ELP6: variants seen among roughly 807,000 people sequenced by gnomAD.
The protein encoded by ELP6 is elongator acetyltransferase complex subunit 6, also known as elongator complex protein 6.
In ELP6, 23 loss-of-function variants were observed where a neutral mutation model predicts 28.1. The observed-to-expected ratio is 0.82, with a 90% CI of 0.59 to 1.16. The LOEUF (loss-of-function observed/expected upper bound fraction) is 1.16, where lower values mean the gene tolerates loss of function less well. Among genes scored for constraint, ELP6 ranks in the 50% most tolerant of loss-of-function variants. The pLI, the probability that ELP6 is intolerant of heterozygous loss-of-function variation, is 0.00. For missense variants in ELP6, 313 were observed against 334.6 expected (o/e 0.94, Z 0.50); for synonymous variants, 132 against 135.8 (o/e 0.97, Z 0.19).
intron 6 of ELP6, chr3:47,497,929 T>C: frequency 1.4e-6 from 1 of 715,666 alleles, no homozygotes; most frequent in Non-Finnish European, 1.7e-6. Context: ...AGACTCCGTC[T>C]AAAAAAAAAA....
At chr3:47,498,506 G>A (rs778228019) in intron 5 of ELP6, 74 bp from the exon 6 acceptor site, 66 of 1,572,854 alleles carry the variant, frequency 4.2e-5, no homozygotes, top group African/African-American at 1.2e-4. Flanking sequence ...CCAGCCTCTC[G>A]TTGCCTCCAC....
rs1444960461 is a variant in ELP6 at position 47,501,823 on chromosome 3, A to G, written c.352T>C (p.Leu118=). 2 of 1,613,818 alleles carry G rather than the reference A, an allele frequency of 1.2e-6. No individual in the cohort carries two copies. The highest frequency in any genetic ancestry group is 1.3e-5 in the African/African-American group (1 of 74,836). The change falls in exon 5 of 7, where the codon TTG becomes CTG. Residue 118 remains leucine, a synonymous_variant. Transcript: ENST00000296149. ...REANAGNLKP[L]FEFVREALKP... ...AGGGCCTCCCGTACAAACTCAAACA[A>G]TGGTTTCAAGTTCCCAGCATTAGCC...
intron 6 of ELP6, 78 bp downstream of exon 6, chr3:47,498,208 G>A (rs1208718154): frequency 6.4e-7 from 1 of 1,564,664 alleles, no homozygotes; most frequent in Non-Finnish European, 8.7e-7. Flanking sequence ...CAGTCCCTCA[G>A]GCCTGACTCT....
At chr3:47,513,351 A>G (rs1191367002) in intron 1 of ELP6, 186 bp downstream of exon 1, 2 of 1,407,752 alleles carry the variant, frequency 1.4e-6, no homozygotes, top group Non-Finnish European at 1.8e-6. Flanking sequence ...ATGGCCCAGA[A>G]GCCCACTTTC....
At chr3:47,497,347 CTTTTTTT>C (rs1423291081) in intron 6 of ELP6, 1 of 820,174 alleles carries the variant, frequency 1.2e-6, no homozygotes, top group East Asian at 1.4e-4. Flanking sequence ...TTTCTTTTTT[CTTTTTTT>C]GAGACAGAGT....
chr3:47,503,699 G>A (rs551090228), intron 4 of ELP6, among the ~76,000 whole-genome samples: 74 of 152,048 alleles, frequency 4.9e-4, no homozygotes, highest in Middle Eastern at 3.2e-3. Context: ...TCAGGAGATC[G>A]AGACCATGGT....
intron 2 of ELP6, among the ~76,000 whole-genome samples, chr3:47,510,850 C>T (rs1210881052): frequency 6.6e-6 from 1 of 152,076 alleles, no homozygotes; most frequent in African/African-American, 2.4e-5. Context: ...TACACAAAGA[C>T]CAAGGAGCAA....
intron 2 of ELP6, among the ~76,000 whole-genome samples, chr3:47,510,734 T>C (rs899988494): frequency 5.9e-5 from 9 of 152,222 alleles, no homozygotes; most frequent in Non-Finnish European, 1.3e-4. Context: ...GCTGGGATTA[T>C]AGATAATGAG....
At chr3:47,509,517 G>A (rs933121282) in intron 3 of ELP6, among the ~76,000 whole-genome samples, 7 of 152,204 alleles carry the variant, frequency 4.6e-5, no homozygotes, top group Non-Finnish European at 1.0e-4. Flanking sequence ...ACTGGGGTCT[G>A]AAGCCCTAGA....
chr3:47,501,344 A>C (rs1708643752), intron 5 of ELP6, among the ~76,000 whole-genome samples: 1 of 152,172 alleles, frequency 6.6e-6, no homozygotes, highest in African/African-American at 2.4e-5. Context: ...TATAAAATAC[A>C]CTCAGGGATG....
intron 4 of ELP6, chr3:47,503,105 A>G: frequency 9.4e-7 from 1 of 1,068,992 alleles, no homozygotes. Flanking sequence ...TTCACTAACA[A>G]TGAAGACATC....
intron 3 of ELP6, among the ~76,000 whole-genome samples, chr3:47,505,240 TG>T (rs1317360181): frequency 2.6e-5 from 4 of 152,088 alleles, no homozygotes; most frequent in Admixed American, 2.6e-4. Flanking sequence ...CCCTCCAGCC[TG>T]GGTGACAAGA....
rs2108095315 is a variant in ELP6, at chr3:47,503,371, A to C, written c.323+959T>G. ...GCTATGTTTGTGGCCAATGTTCAGA[A>C]AGGAGGAAAAGCAGGAAAACCAGTC... is the stretch of plus-strand genomic sequence containing the variant. On this transcript the variant is annotated intron_variant, in intron 4 of 6. Coordinates refer to ENST00000296149, the MANE Select transcript of ELP6 (RefSeq NM_001031703.3). The C allele has an allele frequency of 2.3e-6, 3 of 1,289,796 alleles. 1 individual carries two copies. In the South Asian group the frequency reaches 3.7e-5, roughly 16 times the overall value. 79.9% of individuals were successfully genotyped at this position (1,289,796 alleles called of 1,614,324 possible). A position where few individuals can be genotyped will look rare whatever the true frequency, so the allele number is the denominator to read the frequency against.
In ELP6 at chr3:47,510,211, G is replaced by T; in HGVS notation, c.177C>A (p.Ser59Arg). The T allele has an allele frequency of 6.2e-7, 1 of 1,613,994 alleles. No individual in the cohort carries two copies. The highest frequency in any genetic ancestry group is 8.5e-7 in the Non-Finnish European group (1 of 1,179,886). The change falls in exon 3 of 7, where the codon AGC (serine) becomes AGA (arginine). Residue 59 changes from serine (S) to arginine (R), a missense_variant. By Grantham distance (110) the Ser-to-Arg change is moderately radical (BLOSUM62 -1). Coordinates refer to ENST00000296149, the MANE Select transcript of ELP6 (RefSeq NM_001031703.3). ...GCTTCTGTCCCACGATACTGTAGTG[G>T]CTGAAGGACTGGATGAGTGCCACAA... ...VCFVALIQSF[S>R]HYSIVGQKLG...
intron 1 of ELP6, 82 bp downstream of exon 1, chr3:47,513,455 G>T (rs2029965217): frequency 6.4e-7 from 1 of 1,571,138 alleles, no homozygotes; most frequent in South Asian, 1.1e-5. Flanking sequence ...CCATTCCCCG[G>T]GGTCGTGCGC....
chr3:47,502,916 T>C (rs1015861910), intron 4 of ELP6, among the ~76,000 whole-genome samples: 16 of 152,162 alleles, frequency 1.1e-4, no homozygotes, highest in Admixed American at 2.0e-4. Flanking sequence ...CTAAGGCTTC[T>C]GTATACGTAA....
chr3:47,498,722 TAA>T (rs761049666), intron 5 of ELP6: 2 of 985,248 alleles, frequency 2.0e-6, no homozygotes, highest in Non-Finnish European at 2.4e-6. Flanking sequence ...TGAATGTTAC[TAA>T]AAGTGTCACC....
intron 6 of ELP6, chr3:47,497,898 T>C (rs962454143): frequency 2.1e-6 from 2 of 965,056 alleles, no homozygotes; most frequent in African/African-American, 3.5e-5. Flanking sequence ...GCCACTGCAC[T>C]CTAGCCTAGG....
chr3:47,507,218 G>A (rs1263952803), intron 3 of ELP6, among the ~76,000 whole-genome samples: 5 of 151,826 alleles, frequency 3.3e-5, no homozygotes, highest in East Asian at 1.9e-4. Flanking sequence ...AAAATTAGCC[G>A]GGTATGGTGG....
Sources: gnomAD v4.1 joint callset for allele counts (sites outside exome capture counted in the v4.1 genomes callset) on GRCh38, gnomAD v4.1.1 for gene constraint, MANE v1.5 for transcripts, NCBI Gene and HGNC (gene_info 2026-07-23, HGNC 2026-07-21) for gene names.